SMURF2: variants seen among roughly 807,000 people sequenced by gnomAD.
SMURF2 encodes SMAD specific E3 ubiquitin protein ligase 2, also known as E3 ubiquitin-protein ligase SMURF2.
In SMURF2, 48 loss-of-function variants were observed where a neutral mutation model predicts 109.6. That is an observed-to-expected ratio of 0.44 (90% confidence interval 0.35 to 0.56). The LOEUF is 0.56. Ranked by LOEUF, SMURF2 falls within the 20% of genes least tolerant of loss-of-function variation. The pLI is 0.01. For missense variants in SMURF2, 575 were observed against 909.0 expected (o/e 0.63, Z 4.72); for synonymous variants, 288 against 317.1 (o/e 0.91, Z 0.97).
intron 1 of SMURF2, among the ~76,000 whole-genome samples, chr17:64,636,147 C>A (rs544010540): frequency 6.6e-6 from 1 of 152,250 alleles, no homozygotes; most frequent in East Asian, 1.9e-4. Flanking sequence ...AACCCTTTGC[C>A]CTTTTTTTTG....
At chr17:64,639,094 A>G (rs1399515640) in intron 1 of SMURF2, among the ~76,000 whole-genome samples, 18 of 152,210 alleles carry the variant, frequency 1.2e-4, no homozygotes, top group Non-Finnish European at 2.2e-4. Context: ...ACATACTGGC[A>G]ATGTTCTGTT....
intron 1 of SMURF2, among the ~76,000 whole-genome samples, chr17:64,659,160 AGTGT>A (rs772284521): frequency 4.0e-5 from 6 of 151,582 alleles, no homozygotes; most frequent in South Asian, 2.1e-4. Context: ...TGAGTGTGTG[AGTGT>A]GTGTGTGTGA....
At position 64,544,064 on chromosome 17, in the gene SMURF2, G is replaced by A. The variant is rs918465655; in HGVS notation, c.*1784C>T. ...AAAATACTTAAAAACTACACAAGTA[G>A]TTCTCAACTTTTTTAAAGCAGCAAA... is the stretch of plus-strand genomic sequence containing the variant. On this transcript the variant is annotated 3_prime_UTR_variant, in exon 19 of 19. Coordinates refer to ENST00000262435, the MANE Select transcript of SMURF2 (RefSeq NM_022739.4). 6.6e-6 allele frequency: 1 copy of A among 152,206 alleles called. No homozygotes were observed. 9.4% of individuals were successfully genotyped at this position (152,206 alleles called of 1,614,324 possible).
At chr17:64,548,152 TA>T (rs782657490) in intron 16 of SMURF2, among the ~76,000 whole-genome samples, 1 of 151,978 alleles carries the variant, frequency 6.6e-6, no homozygotes, top group Admixed American at 6.6e-5. Flanking sequence ...TATAAAGCTT[TA>T]AAAAAAATGG....
chr17:64,551,725 T>G (rs1969048802), intron 15 of SMURF2, 21 bp from the exon 16 acceptor site: 1 of 1,612,776 alleles, frequency 6.2e-7, no homozygotes. Flanking sequence ...TCGGCAGGAT[T>G]TCGTATAATC....
chr17:64,563,611 T>C lies in SMURF2; in HGVS notation c.1017-645A>G, dbSNP rs531786018. The stretch of plus-strand genomic sequence containing the variant: ...TATATTTCATATCAGATACAAAAAG[T>C]AACTCAAAATGGACTGCAAACATCA... On this transcript the variant is annotated intron_variant, in intron 10 of 18. Coordinates refer to ENST00000262435, the MANE Select transcript of SMURF2 (RefSeq NM_022739.4). 4.6e-5 allele frequency among the ~76,000 whole-genome samples: 7 copies of C among 152,248 alleles called. No homozygotes were observed. The South Asian group carries it at 1.2e-3, about 27-fold the overall frequency.
chr17:64,578,684 A>T, intron 8 of SMURF2, 108 bp from the exon 9 acceptor site: 1 of 668,528 alleles, frequency 1.5e-6, no homozygotes, highest in Non-Finnish European at 2.6e-6. Context: ...CCAAATTACC[A>T]ATCTATTTTA....
intron 1 of SMURF2, among the ~76,000 whole-genome samples, chr17:64,659,004 A>G (rs1970739239): frequency 6.6e-6 from 1 of 152,252 alleles, no homozygotes; most frequent in Admixed American, 6.5e-5. Context: ...TCAAATTATT[A>G]AATTAGCCCC....
chr17:64,648,170 A>G (rs1185963796), intron 1 of SMURF2, among the ~76,000 whole-genome samples: 1 of 151,244 alleles, frequency 6.6e-6, no homozygotes, highest in Non-Finnish European at 1.5e-5. Context: ...AAAATGTTAA[A>G]TTATCTTCCT....
At chr17:64,591,260 T>C in intron 4 of SMURF2, 111 bp from the exon 5 acceptor site, 1 of 760,294 alleles carries the variant, frequency 1.3e-6, no homozygotes, top group Non-Finnish European at 2.1e-6. Context: ...AAACCTATCA[T>C]TTAAAGAGTT....
intron 13 of SMURF2, among the ~76,000 whole-genome samples, chr17:64,556,943 G>A (rs919215321): frequency 5.3e-5 from 8 of 151,894 alleles, no homozygotes; most frequent in African/African-American, 1.2e-4. Context: ...GATAACCTTC[G>A]TTTCACTTAA....
intron 2 of SMURF2, among the ~76,000 whole-genome samples, chr17:64,600,936 A>C (rs1969886237): frequency 2.0e-5 from 3 of 152,092 alleles, no homozygotes; most frequent in Admixed American, 2.0e-4. Context: ...TTGCTTTTTT[A>C]AAAAAATAAA....
At chr17:64,555,054 G>A in intron 14 of SMURF2, 61 bp from the exon 15 acceptor site, 4 of 1,441,948 alleles carry the variant, frequency 2.8e-6, no homozygotes, top group South Asian at 1.3e-5. Flanking sequence ...CCCTATAGAT[G>A]TATTAATTGG....
At position 64,661,895 on chromosome 17, in the gene SMURF2, G is replaced by A. The variant is rs1356752274; in HGVS notation, c.-15C>T. On this transcript the variant is annotated 5_prime_UTR_variant, in exon 1 of 19. Transcript: ENST00000262435. ...GGGTTAGACATGTCCCCGGCGGCGGGGGCGGCGGGGGCGGCGGGCGGCACG... is the reference window on the plus strand; with the variant it reads ...GGGTTAGACATGTCCCCGGCGGCGGAGGCGGCGGGGGCGGCGGGCGGCACG... 2.7e-6 allele frequency: 3 copies of A among 1,123,676 alleles called. No individual in the cohort carries two copies. Among genetic ancestry groups the A allele is most frequent in the South Asian group, 4.4e-5 (1 of 22,704 alleles). 69.6% of individuals were successfully genotyped at this position (1,123,676 alleles called of 1,614,324 possible).
intron 9 of SMURF2, among the ~76,000 whole-genome samples, chr17:64,573,610 A>T (rs1480270335): frequency 6.6e-6 from 1 of 151,690 alleles, no homozygotes; most frequent in Non-Finnish European, 1.5e-5. Flanking sequence ...CTCAAATTTT[A>T]AAAAAAAGGG....
Position 64,612,033 on chromosome 17 carries a change from T to C in SMURF2, c.53-5393A>G, listed in dbSNP as rs1239535795. Among the ~76,000 whole-genome samples the C allele has an allele frequency of 2.6e-5, 4 of 152,186 alleles. No individual in the cohort carries two copies. In the East Asian group the frequency reaches 7.7e-4, roughly 29 times the overall value. On this transcript the variant is annotated intron_variant, in intron 1 of 18. Coordinates refer to ENST00000262435, the MANE Select transcript of SMURF2 (RefSeq NM_022739.4). ...TAGGCTTCTTCACCTACTCATCTCCTGGTCTCAAAAGGGAAGGATGCCTTT... is the reference window on the plus strand; with the variant it reads ...TAGGCTTCTTCACCTACTCATCTCCCGGTCTCAAAAGGGAAGGATGCCTTT...
intron 12 of SMURF2, among the ~76,000 whole-genome samples, chr17:64,558,772 A>T (rs782731625): frequency 6.6e-5 from 10 of 152,358 alleles, no homozygotes; most frequent in Non-Finnish European, 1.0e-4. Context: ...TTTTCAAAGT[A>T]TAAAAGATAA....
chr17:64,566,873 A>G (rs1555685064), intron 10 of SMURF2, among the ~76,000 whole-genome samples: 1 of 142,582 alleles, frequency 7.0e-6, no homozygotes, highest in African/African-American at 2.6e-5. Context: ...CCCCGCTGAC[A>G]GAGAGTTTTT....
chr17:64,558,700 C>T (rs1309503637), intron 12 of SMURF2, among the ~76,000 whole-genome samples: 1 of 152,126 alleles, frequency 6.6e-6, no homozygotes, highest in Non-Finnish European at 1.5e-5. Context: ...CAATGTAAAT[C>T]AATGTTTTTA....
Sources: gnomAD v4.1 joint callset for allele counts (sites outside exome capture counted in the v4.1 genomes callset) on GRCh38, gnomAD v4.1.1 for gene constraint, MANE v1.5 for transcripts, NCBI Gene and HGNC (gene_info 2026-07-23, HGNC 2026-07-21) for gene names.